Variants in CFAP97 observed in about 807,000 individuals in gnomAD.
CFAP97 encodes cilia- and flagella-associated protein 97.
Under a neutral mutation model 43.1 loss-of-function variants are expected in CFAP97, and 36 were observed. The observed-to-expected ratio is 0.84, with a 90% CI of 0.64 to 1.10. The LOEUF (loss-of-function observed/expected upper bound fraction) is 1.10. CFAP97 is among the 50% of genes least tolerant of loss of function. The probability of loss-of-function intolerance (pLI) is 0.00; values close to 1 mark genes in which losing one functional copy is unlikely to be tolerated. For synonymous variants in CFAP97, 228 were observed against 225.7 expected (o/e 1.01, Z -0.09); for missense variants, 657 against 620.3 (o/e 1.06, Z -0.63).
intron 3 of CFAP97, among the ~76,000 whole-genome samples, chr4:185,166,504 C>A (rs1214708902): frequency 6.6e-6 from 1 of 152,144 alleles, no homozygotes; most frequent in Non-Finnish European, 1.5e-5. Flanking sequence ...CTATTAAACT[C>A]CTAGTGTCCT....
intron 3 of CFAP97, chr4:185,169,351 A>G (rs972291834): frequency 3.9e-5 from 6 of 153,064 alleles, no homozygotes; most frequent in African/African-American, 1.4e-4. Flanking sequence ...TTCTCATGAG[A>G]TCTGAGTTAC....
rs572965437 is a variant in CFAP97 at position 185,199,668 on chromosome 4, C to A, written c.-17+4230G>T. On this transcript the variant is annotated intron_variant, in intron 1 of 4. Transcript: ENST00000458385. ...CTGGGTGAGGCAGCAAGACTCTGTC[C>A]AAAAAAAACAAAAAAGAAAAAATCT... Among the ~76,000 whole-genome samples, 4 of 150,058 alleles carry A rather than the reference C, an allele frequency of 2.7e-5. No homozygotes were observed. The East Asian group carries it at 5.9e-4, about 22-fold the overall frequency.
At chr4:185,173,179 C>T (rs914498219) in intron 3 of CFAP97, among the ~76,000 whole-genome samples, 3 of 151,728 alleles carry the variant, frequency 2.0e-5, no homozygotes, top group African/African-American at 4.8e-5. Flanking sequence ...CTGGCTAACA[C>T]GGTGAAACCC....
intron 1 of CFAP97, among the ~76,000 whole-genome samples, chr4:185,195,564 G>A (rs1272997245): frequency 6.6e-6 from 1 of 152,144 alleles, no homozygotes; most frequent in African/African-American, 2.4e-5. Flanking sequence ...TATTCTTCAT[G>A]AGCACAAACA....
At chr4:185,188,696 T>C (rs996973162) in intron 2 of CFAP97, among the ~76,000 whole-genome samples, 3 of 124,088 alleles carry the variant, frequency 2.4e-5, no homozygotes, top group African/African-American at 7.9e-5. Context: ...ACTAATAGGA[T>C]TGATTTACTT....
Position 185,160,101 on chromosome 4 carries a change from T to A in CFAP97, c.*2697A>T. 6.6e-6 allele frequency: 1 copy of A among 152,146 alleles called. No individual in the cohort carries two copies. Among genetic ancestry groups the A allele is most frequent in the African/African-American group, 2.4e-5 (1 of 41,426 alleles). The allele number at this position is 152,146 out of a possible 1,614,324, so 9.4% of individuals were successfully genotyped here. A position where few individuals can be genotyped will look rare whatever the true frequency, so the allele number is the denominator to read the frequency against. ...AAACAACTGCATTACACTACATTTTTAAGCAAACCAAAGAACTTTATTTGG... is the reference window on the plus strand; with the variant it reads ...AAACAACTGCATTACACTACATTTTAAAGCAAACCAAAGAACTTTATTTGG... On this transcript the variant is annotated 3_prime_UTR_variant, in exon 5 of 5. Coordinates refer to ENST00000458385, the MANE Select transcript of CFAP97 (RefSeq NM_020827.3).
chr4:185,190,657 T>C lies in CFAP97; in HGVS notation c.540A>G (p.Ser180=). ...AACAATCTGTACCTGAACCTGAAGA[T>C]GAGGAAGATAAAGAGGAGGAGGAAG... The part of the protein sequence containing the change: ...SSSSSSSLSS[S]SSGSGTDCLD... Residue 180 remains serine, a synonymous_variant, in exon 2 of 5, where the codon TCA becomes TCG. Coordinates refer to ENST00000458385, the MANE Select transcript of CFAP97 (RefSeq NM_020827.3). 1 of 1,582,876 alleles carries C rather than the reference T, an allele frequency of 6.3e-7. No individual in the cohort carries two copies. The highest frequency in any genetic ancestry group is 8.6e-7 in the Non-Finnish European group (1 of 1,163,316).
intron 3 of CFAP97, among the ~76,000 whole-genome samples, chr4:185,168,800 C>T (rs1735170431): frequency 6.6e-6 from 1 of 151,656 alleles, no homozygotes; most frequent in African/African-American, 2.4e-5. Context: ...ATCCCAGCTA[C>T]TTGGGAGGCT....
rs1426126904 is a variant in CFAP97, at chr4:185,160,579, T to C, written c.*2219A>G. The C allele has an allele frequency of 1.3e-5, 2 of 152,038 alleles. No individual in the cohort carries two copies. Among genetic ancestry groups the C allele is most frequent in the African/African-American group, 4.8e-5 (2 of 41,422 alleles). 9.4% of individuals were successfully genotyped at this position (152,038 alleles called of 1,614,324 possible). ...TATATAAGTAACCATGACAACAGAA[T>C]TGAAGTTCCGCTTAAAAGACTCTTG... On this transcript the variant is annotated 3_prime_UTR_variant, in exon 5 of 5. Coordinates refer to ENST00000458385, the MANE Select transcript of CFAP97 (RefSeq NM_020827.3).
At chr4:185,181,320 CT>C (rs778362979) in intron 2 of CFAP97, among the ~76,000 whole-genome samples, 4,734 of 99,154 alleles carry the variant, frequency 0.048, 105 homozygotes, top group African/African-American at 0.12. Flanking sequence ...CATAATCATA[CT>C]TTTTTTTTTT....
chr4:185,163,805 ATTTTTGATTGTTTTATCTCCTGGT>A (rs1290625889), intron 4 of CFAP97, among the ~76,000 whole-genome samples, 200 bp downstream of exon 4: 1 of 152,104 alleles, frequency 6.6e-6, no homozygotes, highest in African/African-American at 2.4e-5. Context: ...ACCTACTGAT[ATTTTTGATTGTTTTATCTCCTGGT>A]TTCCTTCCTG....
chr4:185,162,856 G>GT lies in CFAP97; in HGVS notation c.1540_1541insA (p.Ser514TyrfsTer10). ...AGGTCTTCTTCGAGGGTGGCCACTG[G>GT]AGGGGTCAACCGCTGATCGCTCACT... On this transcript the variant is annotated frameshift_variant, in exon 5 of 5. Transcript: ENST00000458385. LOFTEE classifies it high-confidence loss of function. The GT allele has an allele frequency of 1.2e-6, 2 of 1,612,656 alleles. No homozygotes were observed. Among genetic ancestry groups the GT allele is most frequent in the Non-Finnish European group, 1.7e-6 (2 of 1,179,442 alleles).
At chr4:185,207,246 T>C (rs754133859), upstream of CFAP97, among the ~76,000 whole-genome samples, 1 of 122,530 alleles carries the variant, frequency 8.2e-6, no homozygotes, top group Non-Finnish European at 1.6e-5. Flanking sequence ...TGAGACGGAG[T>C]CTCGCTGTCG....
chr4:185,191,199 T>C lies in CFAP97; in HGVS notation c.-3A>G, dbSNP rs987592825. 3 of 1,502,026 alleles carry C rather than the reference T, an allele frequency of 2.0e-6. No individual in the cohort carries two copies. The highest frequency in any genetic ancestry group is 3.0e-5 in the African/African-American group (2 of 66,364). The allele number at this position is 1,502,026 out of a possible 1,614,324, so 93.0% of individuals were successfully genotyped here. A position where few individuals can be genotyped will look rare whatever the true frequency, so the allele number is the denominator to read the frequency against. ...AATATATCTCCAAACTGATCCATGA[T>C]GGCAAAAATATATCTGAAAAAAAAA... On this transcript the variant is annotated 5_prime_UTR_variant, in exon 2 of 5. Coordinates refer to ENST00000458385, the MANE Select transcript of CFAP97 (RefSeq NM_020827.3).
chr4:185,195,621 A>G (rs1232108114), intron 1 of CFAP97, among the ~76,000 whole-genome samples: 2 of 152,234 alleles, frequency 1.3e-5, no homozygotes, highest in Admixed American at 1.3e-4. Context: ...CACATTAAAC[A>G]TGAGTATAAC....
intron 4 of CFAP97, among the ~76,000 whole-genome samples, 183 bp downstream of exon 4, chr4:185,163,846 T>C (rs1734964173): frequency 6.6e-6 from 1 of 152,156 alleles, no homozygotes; most frequent in Admixed American, 6.5e-5. Flanking sequence ...CCTGTCATTA[T>C]ATGCTGTAAA....
At chr4:185,178,534 T>G (rs1735652503) in intron 2 of CFAP97, among the ~76,000 whole-genome samples, 1 of 152,088 alleles carries the variant, frequency 6.6e-6, no homozygotes, top group Non-Finnish European at 1.5e-5. Context: ...CATGAGCCAC[T>G]GCACCAGGCT....
intron 1 of CFAP97, among the ~76,000 whole-genome samples, chr4:185,201,394 C>A (rs1736822749): frequency 6.6e-6 from 1 of 150,796 alleles, no homozygotes; most frequent in African/African-American, 2.4e-5. Context: ...CTACAGAAAT[C>A]TTTTGTGAAA....
At position 185,190,498 on chromosome 4, in the gene CFAP97, CTG is replaced by C. The variant is rs758004931; in HGVS notation, c.697_698del (p.Gln233AlafsTer13). On this transcript the variant is annotated frameshift_variant, in exon 2 of 5. Coordinates refer to ENST00000458385, the MANE Select transcript of CFAP97 (RefSeq NM_020827.3). LOFTEE classifies it high-confidence loss of function. The stretch of plus-strand genomic sequence containing the variant: ...CACATTTTGGTGTAGTACTTGAAGG[CTG>C]TGTTTCTGTCGATTTTATTCCTGAT... Reference protein sequence around the residue: ...YKSGIKSTETQPSSTTPKCGH... With the variant: ...YKSGIKSTETXPSSTTPKCGH... 1 of 1,613,908 alleles carries C rather than the reference CTG, an allele frequency of 6.2e-7. No individual in the cohort carries two copies. The highest frequency in any genetic ancestry group is 2.2e-5 in the East Asian group (1 of 44,882).
Sources: allele counts gnomAD v4.1 joint callset (sites outside exome capture counted in the v4.1 genomes callset), GRCh38; gene constraint gnomAD v4.1.1; transcripts MANE v1.5; gene names NCBI Gene and HGNC (gene_info 2026-07-23, HGNC 2026-07-21).